The following DENND4C variants were observed in gnomAD, a reference collection of about 807,000 sequenced individuals.
DENND4C encodes DENN domain-containing protein 4C.
A neutral mutation model predicts 203.0 loss-of-function variants in DENND4C; 108 were observed. The observed-to-expected ratio is 0.53, with a 90% confidence interval of 0.46 to 0.62. The LOEUF (loss-of-function observed/expected upper bound fraction) is 0.62, where lower values mean the gene tolerates loss of function less well. DENND4C is among the 20% of genes least tolerant of loss of function. The pLI is 0.00. For synonymous variants in DENND4C, 871 were observed against 792.4 expected, an observed-to-expected ratio of 1.10 and a Z score of -1.67; for missense variants, 2,481 against 2,301.2, an observed-to-expected ratio of 1.08 and a Z score of -1.60.
chr9:19,272,412 C>T (rs1008434248), intron 1 of DENND4C, among the ~76,000 whole-genome samples: 1 of 151,492 alleles, frequency 6.6e-6, no homozygotes, highest in Non-Finnish European at 1.5e-5. Flanking sequence ...AAGAACGAAA[C>T]TCCATCTCAA....
At chr9:19,363,891 G>T (rs1267248710) in intron 30 of DENND4C, among the ~76,000 whole-genome samples, 1 of 152,076 alleles carries the variant, frequency 6.6e-6, no homozygotes. Context: ...ATGCACGCCT[G>T]TAATCCCAGC....
chr9:19,249,993 A>T (rs1250650147), intron 1 of DENND4C, among the ~76,000 whole-genome samples: 1 of 152,166 alleles, frequency 6.6e-6, no homozygotes, highest in East Asian at 1.9e-4. Flanking sequence ...TTATGTCAAA[A>T]TACTGTCTTC....
chr9:19,331,910 T>G, intron 16 of DENND4C, 68 bp from the exon 17 acceptor site: 1 of 1,413,332 alleles, frequency 7.1e-7, no homozygotes, highest in East Asian at 2.5e-5. Flanking sequence ...CTCTCCCTTT[T>G]CCTTCTCACT....
intron 2 of DENND4C, among the ~76,000 whole-genome samples, chr9:19,278,027 A>G (rs1242188480): frequency 6.7e-6 from 1 of 149,010 alleles, no homozygotes; most frequent in Non-Finnish European, 1.5e-5. Flanking sequence ...TAATTCCTTA[A>G]TATTATCACA....
At chr9:19,335,199 G>T in intron 18 of DENND4C, 94 bp downstream of exon 18, 1 of 814,268 alleles carries the variant, frequency 1.2e-6, no homozygotes. Flanking sequence ...ATTAAAGGAA[G>T]TTTTGGGATA....
At chr9:19,313,704 G>A (rs1018982194) in intron 10 of DENND4C, among the ~76,000 whole-genome samples, 15 of 152,204 alleles carry the variant, frequency 9.9e-5, no homozygotes, top group Non-Finnish European at 2.1e-4. Flanking sequence ...CTTACAGAGA[G>A]GATATTATGT....
At chr9:19,286,287 A>G (rs1039543940) in intron 2 of DENND4C, among the ~76,000 whole-genome samples, 3 of 152,152 alleles carry the variant, frequency 2.0e-5, no homozygotes, top group Non-Finnish European at 4.4e-5. Flanking sequence ...CTTTTTGTCC[A>G]TAAGCATGAG....
intron 1 of DENND4C, among the ~76,000 whole-genome samples, chr9:19,232,426 G>A (rs2131308502): frequency 7.0e-6 from 1 of 142,380 alleles, no homozygotes; most frequent in Non-Finnish European, 1.6e-5. Flanking sequence ...ACTTGACTTT[G>A]GCCAATAGTA....
intron 16 of DENND4C, 29 bp downstream of exon 16, chr9:19,328,191 C>T (rs765719107): frequency 3.2e-6 from 5 of 1,577,438 alleles, no homozygotes; most frequent in Non-Finnish European, 2.6e-6. Context: ...AATACATGTT[C>T]ATTTAAGATG....
At chr9:19,315,537 G>GTA (rs956343010) in intron 10 of DENND4C, among the ~76,000 whole-genome samples, 9 of 150,322 alleles carry the variant, frequency 6.0e-5, no homozygotes, top group South Asian at 4.2e-4. Flanking sequence ...ATATGTATGT[G>GTA]TATATATATA....
chr9:19,249,600 A>C (rs963528491), intron 1 of DENND4C, among the ~76,000 whole-genome samples: 3 of 152,158 alleles, frequency 2.0e-5, no homozygotes, highest in Non-Finnish European at 2.9e-5. Context: ...CTTTCCCTTT[A>C]GCCACAAAAC....
chr9:19,264,000 C>T (rs1278256941), intron 1 of DENND4C, among the ~76,000 whole-genome samples: 1 of 152,088 alleles, frequency 6.6e-6, no homozygotes, highest in Admixed American at 6.6e-5. Flanking sequence ...GTTTTGGTAA[C>T]AGGTTCATAC....
intron 12 of DENND4C, among the ~76,000 whole-genome samples, chr9:19,319,939 G>T (rs925228877): frequency 6.6e-6 from 1 of 151,978 alleles, no homozygotes; most frequent in Admixed American, 6.6e-5. Flanking sequence ...AATTAACTAG[G>T]GATTTTGTAT....
intron 12 of DENND4C, among the ~76,000 whole-genome samples, chr9:19,322,169 G>T (rs989973502): frequency 6.6e-6 from 1 of 152,144 alleles, no homozygotes; most frequent in Non-Finnish European, 1.5e-5. Flanking sequence ...AAATTAAATT[G>T]ATTCCAGAAA....
intron 1 of DENND4C, among the ~76,000 whole-genome samples, chr9:19,275,277 C>CTTTT (rs71335412): frequency 9.2e-5 from 12 of 129,984 alleles, no homozygotes; most frequent in Admixed American, 3.3e-4. Flanking sequence ...CAGGCCCGGC[C>CTTTT]TTTTTTTTTT....
intron 10 of DENND4C, among the ~76,000 whole-genome samples, chr9:19,308,846 T>G (rs1840201867): frequency 1.3e-5 from 2 of 152,236 alleles, no homozygotes. Flanking sequence ...TACATTTGTA[T>G]AAATATGTAT....
intron 5 of DENND4C, among the ~76,000 whole-genome samples, chr9:19,291,124 G>A (rs1836208254): frequency 6.6e-6 from 1 of 152,116 alleles, no homozygotes; most frequent in African/African-American, 2.4e-5. Flanking sequence ...CAGGTGTCAA[G>A]ATGAGATGAT....
rs927601649 is a variant in DENND4C at position 19,271,223 on chromosome 9, A to G, written c.-17-4935A>G. On this transcript the variant is annotated intron_variant, in intron 1 of 32. Coordinates refer to ENST00000434457, the MANE Select transcript of DENND4C (RefSeq NM_001330640.2). ...ATTCTTTTTTTTTTTTTTTTTTGAG[A>G]CAGTCTTGCTCTGCCACCCAGGTTG... 5.4e-4 allele frequency among the ~76,000 whole-genome samples: 69 copies of G among 128,804 alleles called. 1 individual carries two copies. Among genetic ancestry groups the G allele is most frequent in the Admixed American group, 1.0e-3 (12 of 11,708 alleles). The allele number at this position is 128,804 out of a possible 152,430, so 84.5% of individuals were successfully genotyped here. A position where few individuals can be genotyped will look rare whatever the true frequency, so the allele number is the denominator to read the frequency against.
intron 8 of DENND4C, 118 bp downstream of exon 8, chr9:19,299,405 T>G (rs1838101111): frequency 2.0e-5 from 14 of 717,252 alleles, no homozygotes; most frequent in Non-Finnish European, 2.8e-5. Flanking sequence ...ATTAACTTTA[T>G]TAGTTAAAAC....
Sources: allele counts gnomAD v4.1 joint callset (sites outside exome capture counted in the v4.1 genomes callset), GRCh38; gene constraint gnomAD v4.1.1; transcripts MANE v1.5; gene names NCBI Gene and HGNC (gene_info 2026-07-23, HGNC 2026-07-21).